RAD50: variants seen among roughly 807,000 people sequenced by gnomAD.
RAD50 encodes RAD50 double strand break repair protein, also known as DNA repair protein RAD50.
In RAD50, 132 loss-of-function variants were observed where a neutral mutation model predicts 168.8. That is an observed-to-expected ratio of 0.78 (90% CI 0.68 to 0.90). The LOEUF is 0.90. RAD50 is among the 40% of genes least tolerant of loss of function. The probability of loss-of-function intolerance (pLI) is 0.00; values close to 1 mark genes in which losing one functional copy is unlikely to be tolerated. For missense variants in RAD50, 1,347 were observed against 1,534.4 expected (o/e 0.88, Z 2.04); for synonymous variants, 525 against 497.4 (o/e 1.06, Z -0.74).
At chr5:132,617,814 GATCAC>G (rs1751202989) in intron 20 of RAD50, among the ~76,000 whole-genome samples, 1 of 152,148 alleles carries the variant, frequency 6.6e-6, no homozygotes, top group Non-Finnish European at 1.5e-5. Flanking sequence ...CTTTATCAGT[GATCAC>G]ATGCTATGAG....
intron 19 of RAD50, among the ~76,000 whole-genome samples, chr5:132,615,303 C>T (rs1327042349): frequency 2.0e-5 from 3 of 152,158 alleles, no homozygotes; most frequent in Non-Finnish European, 2.9e-5. Context: ...CAAAACTACT[C>T]AACAAGAACA....
chr5:132,630,375 G>A (rs73787024), intron 21 of RAD50, among the ~76,000 whole-genome samples: 7,228 of 152,122 alleles, frequency 0.048, 562 homozygotes, highest in African/African-American at 0.17. Context: ...TTGTAAACAC[G>A]TAACCTTTAC....
At chr5:132,597,201 C>T (rs1474564111) in intron 13 of RAD50, among the ~76,000 whole-genome samples, 1 of 151,964 alleles carries the variant, frequency 6.6e-6, no homozygotes, top group East Asian at 1.9e-4. Flanking sequence ...TCCTGGAAAA[C>T]CAAGGAGGAG....
At chr5:132,633,496 C>T (rs1751514513) in intron 21 of RAD50, among the ~76,000 whole-genome samples, 1 of 151,858 alleles carries the variant, frequency 6.6e-6, no homozygotes, top group Admixed American at 6.6e-5. Context: ...CAATTTTGTT[C>T]CTTATTTAGA....
chr5:132,557,482 A>G, intron 1 of RAD50, 29 bp downstream of exon 1: 2 of 1,613,580 alleles, frequency 1.2e-6, no homozygotes, highest in Non-Finnish European at 1.7e-6. Flanking sequence ...CCTTCAGTTT[A>G]CAGGTCGCTA....
intron 19 of RAD50, among the ~76,000 whole-genome samples, chr5:132,612,733 T>A (rs1751108467): frequency 6.6e-6 from 1 of 151,808 alleles, no homozygotes; most frequent in African/African-American, 2.4e-5. Flanking sequence ...GAGGCTGAGG[T>A]GGGAGGATTG....
intron 2 of RAD50, among the ~76,000 whole-genome samples, 176 bp downstream of exon 2, chr5:132,559,543 C>G (rs1750084039): frequency 6.6e-6 from 1 of 152,152 alleles, no homozygotes; most frequent in South Asian, 2.1e-4. Context: ...CCTTTAAATA[C>G]TGTTTTATAT....
At position 132,579,521 on chromosome 5, in the gene RAD50, G is replaced by C; in HGVS notation, c.551+19G>C. 3.1e-6 allele frequency: 5 copies of C among 1,598,502 alleles called. No homozygotes were observed. The highest frequency in any genetic ancestry group is 4.3e-6 in the Non-Finnish European group (5 of 1,167,284). ...CAACAAGGTTTGTAACCCTTAAATA[G>C]ACTTTGTAGTCCATTAAGTTATTGA... is the stretch of plus-strand genomic sequence containing the variant. On this transcript the variant is annotated intron_variant, in intron 4 of 24. Transcript: ENST00000378823.
chr5:132,607,092 T>A (rs761500707), intron 16 of RAD50, among the ~76,000 whole-genome samples: 12 of 152,156 alleles, frequency 7.9e-5, no homozygotes, highest in Non-Finnish European at 1.2e-4. Context: ...GTATAATAAT[T>A]ATTTGTGTGG....
At chr5:132,558,761 T>G (rs1426050075) in intron 1 of RAD50, among the ~76,000 whole-genome samples, 1 of 139,448 alleles carries the variant, frequency 7.2e-6, no homozygotes, top group Non-Finnish European at 1.5e-5. Context: ...AGGCTGGGCA[T>G]GGTGGCTGAC....
At position 132,646,092 on chromosome 5, in the gene RAD50, C is replaced by CAAAAAAAAAAAA. The variant is rs757145249; in HGVS notation, c.*3738_*3749dup. ...CAGAGTGAGACCCTGTCTAAAAAGA[C>CAAAAAAAAAAAA]AAAAAAAAAAAAAAAAAAAAAGCAG... is the stretch of plus-strand genomic sequence containing the variant. On this transcript the variant is annotated 3_prime_UTR_variant, in exon 25 of 25. Transcript: ENST00000378823. 38 of 77,118 alleles carry CAAAAAAAAAAAA rather than the reference C, an allele frequency of 4.9e-4. No homozygotes were observed. The highest frequency in any genetic ancestry group is 1.4e-3 in the African/African-American group (30 of 22,112). The allele number at this position is 77,118 out of a possible 1,614,324, so 4.8% of individuals were successfully genotyped here. A position where few individuals can be genotyped will look rare whatever the true frequency, so the allele number is the denominator to read the frequency against.
rs1438956829 is a variant in RAD50 at position 132,567,035 on chromosome 5, G to GA, written c.213+7675dup. On this transcript the variant is annotated intron_variant, in intron 2 of 24. Transcript: ENST00000378823. ...TTAACCTATCTTGCATGCTTCAAAG[G>GA]AAAAAAAGTCTGTCAGTTTGAACCA... is the stretch of plus-strand genomic sequence containing the variant. 3.3e-5 allele frequency among the ~76,000 whole-genome samples: 5 copies of GA among 152,094 alleles called. No individual in the cohort carries two copies. In the East Asian group the frequency reaches 7.7e-4, roughly 23 times the overall value.
At chr5:132,563,673 C>A (rs894992144) in intron 2 of RAD50, among the ~76,000 whole-genome samples, 2 of 152,122 alleles carry the variant, frequency 1.3e-5, no homozygotes, top group African/African-American at 4.8e-5. Context: ...TTGCATTTAT[C>A]CATGGTTGGG....
At chr5:132,633,098 CTTTT>C (rs34616055) in intron 21 of RAD50, among the ~76,000 whole-genome samples, 6 of 113,046 alleles carry the variant, frequency 5.3e-5, no homozygotes, top group Non-Finnish European at 1.1e-4. Context: ...TTCGTTTTTT[CTTTT>C]TTTTTTTTTT....
chr5:132,596,540 G>A (rs536840518), intron 13 of RAD50, among the ~76,000 whole-genome samples: 23 of 152,094 alleles, frequency 1.5e-4, no homozygotes, highest in Non-Finnish European at 2.6e-4. Context: ...GATGATTTTC[G>A]GTTGTTTATA....
chr5:132,589,941 A>C (rs1273830690), intron 9 of RAD50, 104 bp downstream of exon 9: 1 of 1,070,072 alleles, frequency 9.3e-7, no homozygotes, highest in Non-Finnish European at 1.4e-6. Context: ...TAAAAACATC[A>C]ACTTTGTCTT....
At chr5:132,576,260 G>A (rs1750399027) in intron 3 of RAD50, among the ~76,000 whole-genome samples, 1 of 152,158 alleles carries the variant, frequency 6.6e-6, no homozygotes, top group Non-Finnish European at 1.5e-5. Context: ...AACAGTTGCT[G>A]AATTGAAAGC....
chr5:132,589,230 C>T (rs886508411), intron 8 of RAD50, among the ~76,000 whole-genome samples: 2 of 152,152 alleles, frequency 1.3e-5, no homozygotes, highest in Admixed American at 6.5e-5. Flanking sequence ...TGATAGACCA[C>T]ATATTTGACA....
Position 132,557,041 on chromosome 5 carries a change from C to CT in RAD50, c.-283dup. 1 of 661,356 alleles carries CT rather than the reference C, an allele frequency of 1.5e-6. No homozygotes were observed. The highest frequency in any genetic ancestry group is 2.4e-6 in the Non-Finnish European group (1 of 417,662). 41.0% of individuals were successfully genotyped at this position (661,356 alleles called of 1,614,324 possible). On this transcript the variant is annotated 5_prime_UTR_variant, in exon 1 of 25. Transcript: ENST00000378823. ...GCGCGGTTGCGGGGTCGCATTGTGGCTACGGCTTTGCGTCCCCGGCGGGCA... is the reference window on the plus strand; with the variant it reads ...GCGCGGTTGCGGGGTCGCATTGTGGCTTACGGCTTTGCGTCCCCGGCGGGCA...
Sources: allele counts gnomAD v4.1 joint callset (sites outside exome capture counted in the v4.1 genomes callset), GRCh38; gene constraint gnomAD v4.1.1; transcripts MANE v1.5; gene names NCBI Gene and HGNC (gene_info 2026-07-23, HGNC 2026-07-21).